FLT1: variants seen among roughly 807,000 people sequenced by gnomAD.
The protein encoded by FLT1 is vascular endothelial growth factor receptor 1.
Under a neutral mutation model 156.3 loss-of-function variants are expected in FLT1, and 49 were observed. The observed-to-expected ratio is 0.31, with a 90% CI of 0.25 to 0.40. The LOEUF is 0.40. Ranked by LOEUF, FLT1 falls within the 10% of genes least tolerant of loss-of-function variation. The pLI is 1.00. For missense variants in FLT1, 1,322 were observed against 1,637.2 expected, an observed-to-expected ratio of 0.81 and a Z score of 3.32; for synonymous variants, 594 against 583.8, an observed-to-expected ratio of 1.02 and a Z score of -0.25.
At chr13:28,331,456 A>C (rs955754074) in intron 18 of FLT1, among the ~76,000 whole-genome samples, 5 of 152,200 alleles carry the variant, frequency 3.3e-5, no homozygotes, top group African/African-American at 1.2e-4. Flanking sequence ...TTTGAGACGG[A>C]GTCTCGCTCT....
At chr13:28,351,251 T>A (rs1161007835) in intron 15 of FLT1, among the ~76,000 whole-genome samples, 1 of 152,212 alleles carries the variant, frequency 6.6e-6, no homozygotes, top group Admixed American at 6.5e-5. Context: ...TATTATAATT[T>A]GAGTAACTAC....
At chr13:28,429,067 C>T (rs1593782479) in intron 8 of FLT1, among the ~76,000 whole-genome samples, 1 of 152,070 alleles carries the variant, frequency 6.6e-6, no homozygotes. Context: ...GAATGTACCT[C>T]CTGGAGTCAT....
At chr13:28,323,103 C>T (rs553463552) in intron 20 of FLT1, among the ~76,000 whole-genome samples, 157 bp from the exon 21 acceptor site, 2 of 152,136 alleles carry the variant, frequency 1.3e-5, no homozygotes, top group African/African-American at 4.8e-5. Context: ...TGTCCAGGAG[C>T]CTGACTACCT....
chr13:28,385,776 T>TCAATACATTAAGATG, intron 13 of FLT1: 1 of 1,022,708 alleles, frequency 9.8e-7, no homozygotes, highest in Non-Finnish European at 1.2e-6. Context: ...CAAAATGAAT[T>TCAATACATTAAGATG]CAATACATTA....
At chr13:28,319,668 CAT>C (rs1871360043) in intron 23 of FLT1, 134 bp from the exon 24 acceptor site, 1 of 678,046 alleles carries the variant, frequency 1.5e-6, no homozygotes, top group South Asian at 1.6e-5. Context: ...GGTTTCCTAA[CAT>C]AGAGAACACC....
At chr13:28,321,120 T>C (rs1046041797) in intron 23 of FLT1, among the ~76,000 whole-genome samples, 2 of 152,100 alleles carry the variant, frequency 1.3e-5, no homozygotes, top group Non-Finnish European at 2.9e-5. Flanking sequence ...CAGGCTGTTC[T>C]TTTCAGTGGT....
intron 13 of FLT1, chr13:28,386,346 T>C: frequency 7.0e-6 from 7 of 1,002,572 alleles, no homozygotes; most frequent in Non-Finnish European, 8.5e-6. Flanking sequence ...ATAACATTGT[T>C]GAAGTAGTAT....
At chr13:28,398,564 CA>C (rs1875211140) in intron 11 of FLT1, among the ~76,000 whole-genome samples, 1 of 152,172 alleles carries the variant, frequency 6.6e-6, no homozygotes, top group Non-Finnish European at 1.5e-5. Context: ...TTCATTGGTC[CA>C]AATTCTCTAC....
chr13:28,372,927 A>T (rs1378814814), intron 14 of FLT1, among the ~76,000 whole-genome samples: 2 of 151,978 alleles, frequency 1.3e-5, no homozygotes, highest in African/African-American at 4.8e-5. Flanking sequence ...TAAGACATGA[A>T]ACTGTAGCCC....
chr13:28,406,627 TTTATTATTA>T (rs59281827), intron 10 of FLT1, among the ~76,000 whole-genome samples: 3 of 51,166 alleles, frequency 5.9e-5, no homozygotes, highest in African/African-American at 1.5e-4. Flanking sequence ...CAAGAGGAAT[TTTATTATTA>T]TTATTATTAT....
chr13:28,425,268 G>A (rs80228436), intron 10 of FLT1, among the ~76,000 whole-genome samples: 2 of 152,138 alleles, frequency 1.3e-5, no homozygotes, highest in Admixed American at 1.3e-4. Context: ...ACTTCCATTT[G>A]TGATCAGTCT....
chr13:28,459,134 C>T lies in FLT1; in HGVS notation c.388+7769G>A, dbSNP rs602608. Among the ~76,000 whole-genome samples the T allele has an allele frequency of 4.9e-3, 743 of 152,282 alleles. 9 individuals carry two copies. Among genetic ancestry groups the T allele is most frequent in the African/African-American group, 0.017 (701 of 41,556 alleles). On this transcript the variant is annotated intron_variant, in intron 3 of 29. Coordinates refer to ENST00000282397, the MANE Select transcript of FLT1 (RefSeq NM_002019.4). ...TTTGAAGGATAATTCTGCAGATGCA[C>T]GTCAGTCTCAGGTTGCTGCCATTTT... is the stretch of plus-strand genomic sequence containing the variant.
chr13:28,488,191 A>T (rs1409540436), intron 1 of FLT1, among the ~76,000 whole-genome samples: 4 of 152,124 alleles, frequency 2.6e-5, no homozygotes, highest in African/African-American at 9.7e-5. Flanking sequence ...TGAGGCCATG[A>T]GTTCAAGACC....
chr13:28,452,492 A>T (rs1879004450), intron 3 of FLT1, among the ~76,000 whole-genome samples: 1 of 152,168 alleles, frequency 6.6e-6, no homozygotes, highest in Non-Finnish European at 1.5e-5. Flanking sequence ...CTGAGGCCTC[A>T]TCTGATCTGG....
At chr13:28,402,224 T>C (rs1875489097) in intron 11 of FLT1, among the ~76,000 whole-genome samples, 1 of 152,118 alleles carries the variant, frequency 6.6e-6, no homozygotes, top group Admixed American at 6.6e-5. Flanking sequence ...ATCTGTGGAG[T>C]AGCATTGCTG....
intron 20 of FLT1, among the ~76,000 whole-genome samples, chr13:28,326,467 A>C (rs1252205474): frequency 4.6e-5 from 7 of 151,648 alleles, no homozygotes. Flanking sequence ...CATATGTCAC[A>C]CTGGCAAAGT....
At chr13:28,354,448 C>A (rs1347577002) in intron 15 of FLT1, among the ~76,000 whole-genome samples, 1 of 152,162 alleles carries the variant, frequency 6.6e-6, no homozygotes, top group Admixed American at 6.5e-5. Flanking sequence ...AGTTAAATGC[C>A]TCTTCTGTCA....
intron 14 of FLT1, among the ~76,000 whole-genome samples, chr13:28,372,076 ATTTTTT>A (rs56114428): frequency 5.1e-4 from 6 of 11,756 alleles, no homozygotes; most frequent in African/African-American, 1.9e-3. Flanking sequence ...ATATATATAT[ATTTTTT>A]TTTTTTTTTT....
rs79621438 is a variant in FLT1, at chr13:28,463,446, T to C, written c.388+3457A>G. ...GAGCTATACTCCTGATTCTTTTTCTTAAAACCCTATTAGACTACAAATCTA... is the reference window on the plus strand; with the variant it reads ...GAGCTATACTCCTGATTCTTTTTCTCAAAACCCTATTAGACTACAAATCTA... On this transcript the variant is annotated intron_variant, in intron 3 of 29. Transcript: ENST00000282397. Among the ~76,000 whole-genome samples the C allele has an allele frequency of 7.9e-3, 1,203 of 152,330 alleles. 15 individuals are homozygous for C. Among genetic ancestry groups the C allele is most frequent in the African/African-American group, 0.028 (1,149 of 41,572 alleles).
Sources: allele counts gnomAD v4.1 joint callset (sites outside exome capture counted in the v4.1 genomes callset), GRCh38; gene constraint gnomAD v4.1.1; transcripts MANE v1.5; gene names NCBI Gene and HGNC (gene_info 2026-07-23, HGNC 2026-07-21).